CDH12: variants seen among roughly 807,000 people sequenced by gnomAD.
CDH12 encodes cadherin-12.
CDH12 carries 41 observed loss-of-function variants against 74.1 expected under a neutral mutation model. The ratio of observed to expected loss-of-function variants is 0.55; its 90% CI spans 0.43 to 0.72. The LOEUF (loss-of-function observed/expected upper bound fraction) is 0.72, where lower values mean the gene tolerates loss of function less well. Among genes scored for constraint, CDH12 ranks in the 30% least tolerant of loss-of-function variants. The probability of loss-of-function intolerance (pLI) is 0.00; values close to 1 mark genes in which losing one functional copy is unlikely to be tolerated. For synonymous variants in CDH12, 399 were observed against 355.0 expected (o/e 1.12, Z -1.39); for missense variants, 945 against 977.2 (o/e 0.97, Z 0.44).
chr5:22,151,896 A>G (rs913517394), intron 4 of CDH12: 1 of 152,160 alleles, frequency 6.6e-6, no homozygotes, highest in African/African-American at 2.4e-5. Context: ...GAAAACAGAT[A>G]GTTATGACTC....
At chr5:22,107,659 G>A (rs1057369139) in intron 4 of CDH12, among the ~76,000 whole-genome samples, 3 of 151,762 alleles carry the variant, frequency 2.0e-5, no homozygotes, top group Admixed American at 6.6e-5. Context: ...TTATATCAAC[G>A]ATACTTTACC....
intron 6 of CDH12, among the ~76,000 whole-genome samples, chr5:21,862,971 G>A (rs1458492430): frequency 6.6e-6 from 1 of 152,040 alleles, no homozygotes; most frequent in African/African-American, 2.4e-5. Context: ...GAACATGGGA[G>A]TCTTTGAGCC....
At chr5:21,909,940 G>T (rs1349162092) in intron 6 of CDH12, among the ~76,000 whole-genome samples, 1 of 152,098 alleles carries the variant, frequency 6.6e-6, no homozygotes, top group Non-Finnish European at 1.5e-5. Flanking sequence ...CTAGTTGACT[G>T]GCATGGAATT....
intron 2 of CDH12, among the ~76,000 whole-genome samples, chr5:22,417,816 T>C (rs1023753573): frequency 2.0e-5 from 3 of 152,174 alleles, no homozygotes; most frequent in Non-Finnish European, 4.4e-5. Context: ...ATTTTGGATA[T>C]TCTTATCTAA....
intron 4 of CDH12, chr5:22,143,368 C>CA (rs1491201320): frequency 9.7e-6 from 1 of 102,568 alleles, no homozygotes; most frequent in Middle Eastern, 3.9e-3. Context: ...TATAATATTC[C>CA]TTTTTTTTTT....
At chr5:22,182,937 G>T (rs1749724006) in intron 4 of CDH12, among the ~76,000 whole-genome samples, 1 of 152,196 alleles carries the variant, frequency 6.6e-6, no homozygotes, top group East Asian at 1.9e-4. Context: ...TCCAAAGGCT[G>T]AACTTTAGTT....
At chr5:21,901,016 T>C (rs1289168797) in intron 6 of CDH12, among the ~76,000 whole-genome samples, 2 of 152,226 alleles carry the variant, frequency 1.3e-5, no homozygotes, top group Non-Finnish European at 2.9e-5. Flanking sequence ...CAGTAAATAT[T>C]GTGAAATAAT....
intron 3 of CDH12, among the ~76,000 whole-genome samples, chr5:22,292,302 C>CT (rs569800279): frequency 2.1e-5 from 3 of 145,612 alleles, no homozygotes; most frequent in African/African-American, 5.1e-5. Flanking sequence ...CTGGGCAACA[C>CT]TTTTTTTTGG....
At chr5:22,646,506 C>G (rs768895877) in intron 1 of CDH12, among the ~76,000 whole-genome samples, 1 of 151,890 alleles carries the variant, frequency 6.6e-6, no homozygotes, top group African/African-American at 2.4e-5. Context: ...CACCTTTCTC[C>G]TTCCTGAAGG....
chr5:22,652,253 C>G (rs1739783872), intron 1 of CDH12, among the ~76,000 whole-genome samples: 1 of 152,046 alleles, frequency 6.6e-6, no homozygotes, highest in Non-Finnish European at 1.5e-5. Context: ...ACTTAAGAGA[C>G]AATACTAACA....
intron 1 of CDH12, among the ~76,000 whole-genome samples, chr5:22,719,490 G>T (rs144154239): frequency 5.9e-5 from 9 of 152,130 alleles, no homozygotes; most frequent in Non-Finnish European, 1.2e-4. Flanking sequence ...TCATGAGGAC[G>T]TGAATGCATG....
chr5:22,347,695 A>G (rs901033837), intron 3 of CDH12, among the ~76,000 whole-genome samples: 2 of 152,200 alleles, frequency 1.3e-5, no homozygotes, highest in African/African-American at 4.8e-5. Context: ...TAAACTCCAC[A>G]AATTGGTTGA....
At chr5:21,876,404 C>T (rs1399191031) in intron 6 of CDH12, among the ~76,000 whole-genome samples, 2 of 152,170 alleles carry the variant, frequency 1.3e-5, no homozygotes, top group Non-Finnish European at 2.9e-5. Context: ...TTCATATTAG[C>T]CCCAGTGACT....
intron 9 of CDH12, among the ~76,000 whole-genome samples, chr5:21,805,808 C>A (rs1747396407): frequency 6.6e-6 from 1 of 152,098 alleles, no homozygotes. Flanking sequence ...GAAAATAAAT[C>A]ATATTCTATG....
At chr5:21,885,263 C>G (rs115542339) in intron 6 of CDH12, among the ~76,000 whole-genome samples, 399 of 152,242 alleles carry the variant, frequency 2.6e-3, no homozygotes, top group African/African-American at 9.2e-3. Context: ...TAACTGTTAT[C>G]TATATTTTAC....
At chr5:22,620,039 T>G (rs1737893610) in intron 1 of CDH12, among the ~76,000 whole-genome samples, 1 of 152,108 alleles carries the variant, frequency 6.6e-6, no homozygotes, top group Non-Finnish European at 1.5e-5. Flanking sequence ...CAATGATATT[T>G]TAAAACTTTG....
At chr5:22,344,293 C>G (rs926193621) in intron 3 of CDH12, among the ~76,000 whole-genome samples, 1 of 152,056 alleles carries the variant, frequency 6.6e-6, no homozygotes, top group Non-Finnish European at 1.5e-5. Context: ...ATGTCACGAC[C>G]ATATTTTATA....
intron 6 of CDH12, among the ~76,000 whole-genome samples, chr5:21,894,364 G>A (rs560068826): frequency 6.9e-6 from 1 of 145,070 alleles, no homozygotes; most frequent in Non-Finnish European, 1.5e-5. Flanking sequence ...GGGCAACAGA[G>A]GGAGACACCG....
chr5:22,573,413 C>T (rs1429022484), intron 1 of CDH12, among the ~76,000 whole-genome samples: 1 of 152,082 alleles, frequency 6.6e-6, no homozygotes, highest in African/African-American at 2.4e-5. Context: ...AATTGCATTA[C>T]AGTTTATTTA....
Sources: gnomAD v4.1 joint callset for allele counts (sites outside exome capture counted in the v4.1 genomes callset) on GRCh38, gnomAD v4.1.1 for gene constraint, MANE v1.5 for transcripts, NCBI Gene and HGNC (gene_info 2026-07-23, HGNC 2026-07-21) for gene names.